The following GUCY1A2 variants were observed in gnomAD, a reference collection of about 807,000 sequenced individuals.
The protein encoded by GUCY1A2 is guanylate cyclase 1 soluble subunit alpha 2.
GUCY1A2 carries 27 observed loss-of-function variants against 63.5 expected under a neutral mutation model. The observed-to-expected ratio is 0.43, with a 90% CI of 0.31 to 0.59. The LOEUF is 0.59. Ranked by LOEUF, GUCY1A2 falls within the 20% of genes least tolerant of loss-of-function variation. GUCY1A2 has a pLI of 0.11. For synonymous variants in GUCY1A2, 364 were observed against 343.5 expected (o/e 1.06, Z -0.66); for missense variants, 768 against 913.3 (o/e 0.84, Z 2.05).
intron 4 of GUCY1A2, among the ~76,000 whole-genome samples, chr11:106,897,397 T>C (rs1004688811): frequency 6.6e-6 from 1 of 151,956 alleles, no homozygotes; most frequent in Non-Finnish European, 1.5e-5. Context: ...CAACACGATA[T>C]TGAAGGAGAA....
intron 4 of GUCY1A2, among the ~76,000 whole-genome samples, chr11:106,817,564 C>T (rs893834365): frequency 4.6e-5 from 7 of 151,856 alleles, no homozygotes; most frequent in Admixed American, 1.3e-4. Flanking sequence ...TGTGAAGAAA[C>T]GACATACAGA....
chr11:106,876,403 C>T (rs1392837071), intron 4 of GUCY1A2, among the ~76,000 whole-genome samples: 1 of 149,760 alleles, frequency 6.7e-6, no homozygotes, highest in Non-Finnish European at 1.5e-5. Context: ...TTAATAATTG[C>T]TACTTTAATT....
Position 106,681,082 on chromosome 11 carries a change from A to G in GUCY1A2, c.*6467T>C, listed in dbSNP as rs1290660439. 1.4e-5 allele frequency: 3 copies of G among 209,150 alleles called. No homozygotes were observed. The highest frequency in any genetic ancestry group is 2.9e-5 in the Non-Finnish European group (3 of 102,750). 13.0% of individuals were successfully genotyped at this position (209,150 alleles called of 1,614,324 possible). ...TAAAATTGTATTTTAAGTAGACTAA[A>G]AACATGATTTTTTCATTTCGAAATC... On this transcript the variant is annotated 3_prime_UTR_variant, in exon 8 of 8. Coordinates refer to ENST00000526355, the MANE Select transcript of GUCY1A2 (RefSeq NM_000855.3).
Position 106,687,350 on chromosome 11 carries a change from T to C in GUCY1A2, c.*199A>G. ...ACCACTCATATGAATGGACACATCT[T>C]ATTTCCCTCATCCTCCGGCTTTTTA... On this transcript the variant is annotated 3_prime_UTR_variant, in exon 8 of 8. Transcript: ENST00000526355. 1 of 583,366 alleles carries C rather than the reference T, an allele frequency of 1.7e-6. No homozygotes were observed. The highest frequency in any genetic ancestry group is 2.1e-5 in the South Asian group (1 of 47,982). The allele number at this position is 583,366 out of a possible 1,614,324, so 36.1% of individuals were successfully genotyped here.
chr11:106,820,037 CATAA>C (rs1276418040), intron 4 of GUCY1A2, among the ~76,000 whole-genome samples: 4 of 152,072 alleles, frequency 2.6e-5, no homozygotes, highest in African/African-American at 9.7e-5. Context: ...TCAGTTAAAA[CATAA>C]ATAAATAAAA....
intron 6 of GUCY1A2, among the ~76,000 whole-genome samples, chr11:106,745,851 GAT>G (rs1437610477): frequency 6.6e-6 from 1 of 152,148 alleles, no homozygotes; most frequent in Non-Finnish European, 1.5e-5. Context: ...CAGCCAGAGG[GAT>G]ATATTTTGAG....
chr11:106,799,876 C>G (rs540430219), intron 5 of GUCY1A2, among the ~76,000 whole-genome samples: 1 of 152,224 alleles, frequency 6.6e-6, no homozygotes, highest in South Asian at 2.1e-4. Context: ...GCAATAAAAG[C>G]CAAAATTGAC....
rs762461806 is a variant in GUCY1A2, at chr11:106,973,200, TCAA to T, written c.487+5416_487+5418del. On this transcript the variant is annotated intron_variant, in intron 3 of 7. Coordinates refer to ENST00000526355, the MANE Select transcript of GUCY1A2 (RefSeq NM_000855.3). ...TCTTAAACTTTTCCATTAAAAGAAA[TCAA>T]CAACATCAGAAACACAGCCTTTTTG... is the stretch of plus-strand genomic sequence containing the variant. Among the ~76,000 whole-genome samples, 15 of 152,222 alleles carry T rather than the reference TCAA, an allele frequency of 9.9e-5. No individual in the cohort carries two copies. The East Asian group carries it at 1.7e-3, about 18-fold the overall frequency.
chr11:106,882,868 C>G (rs1247458751), intron 4 of GUCY1A2, among the ~76,000 whole-genome samples: 1 of 151,992 alleles, frequency 6.6e-6, no homozygotes, highest in African/African-American at 2.4e-5. Flanking sequence ...AAGATTTTAT[C>G]AGTTCTCATT....
chr11:106,881,630 C>T (rs1450000808), intron 4 of GUCY1A2, among the ~76,000 whole-genome samples: 1 of 151,914 alleles, frequency 6.6e-6, no homozygotes, highest in African/African-American at 2.4e-5. Context: ...TAAAATGTTA[C>T]CAAAATGTCA....
At chr11:107,005,920 G>T (rs1308653890) in intron 1 of GUCY1A2, among the ~76,000 whole-genome samples, 1 of 152,152 alleles carries the variant, frequency 6.6e-6, no homozygotes, top group Non-Finnish European at 1.5e-5. Context: ...TAGAGACTTT[G>T]CCAAAGATTG....
At chr11:106,746,152 G>A (rs1011444022) in intron 6 of GUCY1A2, among the ~76,000 whole-genome samples, 16 of 151,894 alleles carry the variant, frequency 1.1e-4, no homozygotes, top group Non-Finnish European at 2.2e-4. Context: ...TAGCACCCAA[G>A]AGATGATCAA....
intron 4 of GUCY1A2, among the ~76,000 whole-genome samples, chr11:106,920,296 T>G (rs1860425624): frequency 6.6e-6 from 1 of 152,146 alleles, no homozygotes; most frequent in African/African-American, 2.4e-5. Context: ...GGGAATATTT[T>G]AACTGTTACA....
chr11:106,837,695 A>G (rs746207585), intron 4 of GUCY1A2, among the ~76,000 whole-genome samples: 1 of 152,100 alleles, frequency 6.6e-6, no homozygotes, highest in East Asian at 1.9e-4. Flanking sequence ...TGAAAAAAGA[A>G]TCTATATAAG....
At chr11:106,863,078 C>T (rs1859536071) in intron 4 of GUCY1A2, among the ~76,000 whole-genome samples, 1 of 152,002 alleles carries the variant, frequency 6.6e-6, no homozygotes, top group East Asian at 1.9e-4. Flanking sequence ...AGATTTGTAT[C>T]GAGGCTAAAC....
intron 4 of GUCY1A2, among the ~76,000 whole-genome samples, chr11:106,861,107 TTAGATA>T (rs1451264045): frequency 6.6e-6 from 1 of 151,920 alleles, no homozygotes; most frequent in East Asian, 1.9e-4. Context: ...CTCTAACCTA[TTAGATA>T]TAAATGGTCT....
Position 106,740,495 on chromosome 11 carries a change from T to G in GUCY1A2, c.1837-31829A>C, listed in dbSNP as rs184087017. Among the ~76,000 whole-genome samples the G allele has an allele frequency of 2.4e-4, 36 of 152,324 alleles. No individual in the cohort carries two copies. The East Asian group carries it at 6.6e-3, about 28-fold the overall frequency. On this transcript the variant is annotated intron_variant, in intron 6 of 7. Transcript: ENST00000526355. Reference sequence around the variant, plus strand: ...GCAGCCTGTTTCTTGTCACCAAGACTTAACTTACACTGTCTTCTGTACTTG... The same window carrying G: ...GCAGCCTGTTTCTTGTCACCAAGACGTAACTTACACTGTCTTCTGTACTTG...
intron 3 of GUCY1A2, among the ~76,000 whole-genome samples, chr11:106,970,789 T>C (rs1861183191): frequency 6.6e-6 from 1 of 152,084 alleles, no homozygotes; most frequent in African/African-American, 2.4e-5. Flanking sequence ...TAGCAGTTAA[T>C]TCATAATAAC....
intron 4 of GUCY1A2, among the ~76,000 whole-genome samples, chr11:106,830,685 G>A (rs1326532728): frequency 6.6e-6 from 1 of 152,186 alleles, no homozygotes; most frequent in African/African-American, 2.4e-5. Flanking sequence ...TCCTCAGCTT[G>A]CAGATGTCCT....
Sources: allele counts gnomAD v4.1 joint callset (sites outside exome capture counted in the v4.1 genomes callset), GRCh38; gene constraint gnomAD v4.1.1; transcripts MANE v1.5; gene names NCBI Gene and HGNC (gene_info 2026-07-23, HGNC 2026-07-21).